Variants in CYRIA observed in about 807,000 individuals in gnomAD.
CYRIA encodes the protein CYFIP related Rac1 interactor A.
In CYRIA, 15 loss-of-function variants were observed where a neutral mutation model predicts 43.9. That is an observed-to-expected ratio of 0.34 (90% CI 0.23 to 0.53). The LOEUF (loss-of-function observed/expected upper bound fraction) is 0.53. Among genes scored for constraint, CYRIA ranks in the 20% least tolerant of loss-of-function variants. The pLI is 0.94. For synonymous variants in CYRIA, 117 were observed against 136.0 expected (o/e 0.86, Z 0.97); for missense variants, 236 against 394.2 (o/e 0.60, Z 3.40).
At chr2:16,600,660 T>C (rs531785709) in intron 2 of CYRIA, among the ~76,000 whole-genome samples, 1 of 152,306 alleles carries the variant, frequency 6.6e-6, no homozygotes, top group South Asian at 2.1e-4. Flanking sequence ...CCCCGCTACA[T>C]ATTAAGTAAC....
chr2:16,590,697 C>A (rs990811648), intron 2 of CYRIA, among the ~76,000 whole-genome samples: 3 of 152,212 alleles, frequency 2.0e-5, no homozygotes, highest in African/African-American at 7.2e-5. Flanking sequence ...TTTTGAACAT[C>A]ATTCTAACAT....
At chr2:16,665,749 C>T (rs1478671687) in intron 1 of CYRIA, 31 bp downstream of exon 1, 15 of 145,584 alleles carry the variant, frequency 1.0e-4, no homozygotes, top group Middle Eastern at 7.2e-3. Context: ...CGCCCGCGCC[C>T]CTGCCGCGCC....
intron 3 of CYRIA, among the ~76,000 whole-genome samples, chr2:16,573,813 A>C (rs1318509327): frequency 6.6e-6 from 1 of 152,228 alleles, no homozygotes; most frequent in Admixed American, 6.5e-5. Context: ...GTGGAACTGT[A>C]AGTCCATTAA....
intron 2 of CYRIA, among the ~76,000 whole-genome samples, chr2:16,593,703 TTTTTG>T: frequency 1.0e-5 from 1 of 99,840 alleles, no homozygotes; most frequent in African/African-American, 5.1e-5. Flanking sequence ...TGTGTGTTTT[TTTTTG>T]TGTGTGTGTG....
intron 11 of CYRIA, among the ~76,000 whole-genome samples, chr2:16,554,135 T>C (rs1450240381): frequency 6.6e-6 from 1 of 152,134 alleles, no homozygotes; most frequent in Non-Finnish European, 1.5e-5. Context: ...AATGAGACAA[T>C]ATGATTAGAA....
chr2:16,649,997 C>T (rs1479530489), intron 1 of CYRIA, among the ~76,000 whole-genome samples: 3 of 152,172 alleles, frequency 2.0e-5, no homozygotes, highest in Admixed American at 2.0e-4. Flanking sequence ...CCACCTTGCT[C>T]GATCGCTTCT....
intron 2 of CYRIA, among the ~76,000 whole-genome samples, chr2:16,603,091 T>C (rs569834865): frequency 6.6e-6 from 1 of 152,294 alleles, no homozygotes; most frequent in Admixed American, 6.5e-5. Flanking sequence ...TTGCTTAACA[T>C]GCTTCTGTGG....
At chr2:16,560,339 T>G (rs1187394662) in intron 9 of CYRIA, among the ~76,000 whole-genome samples, 1 of 152,182 alleles carries the variant, frequency 6.6e-6, no homozygotes, top group African/African-American at 2.4e-5. Context: ...GTACTCTTGA[T>G]GGCTTTGGTC....
chr2:16,643,411 G>A (rs1669733045), intron 1 of CYRIA, among the ~76,000 whole-genome samples: 1 of 152,172 alleles, frequency 6.6e-6, no homozygotes, highest in Non-Finnish European at 1.5e-5. Context: ...TGTTGCACAA[G>A]CCTGCCTAAA....
intron 3 of CYRIA, among the ~76,000 whole-genome samples, chr2:16,575,383 T>A (rs1667295025): frequency 6.6e-6 from 1 of 152,014 alleles, no homozygotes; most frequent in Admixed American, 6.6e-5. Flanking sequence ...GACATGAGAT[T>A]TGGGAAGGGC....
rs113276100 is a variant in CYRIA, at chr2:16,573,894, C to T, written c.71-8127G>A. The stretch of plus-strand genomic sequence containing the variant: ...AGTAGCTCGTGAAAATGAACTAATA[C>T]GGTAAATTGGTACCAGTACAGTGCA... On this transcript the variant is annotated intron_variant, in intron 3 of 11. Coordinates refer to ENST00000381323, the MANE Select transcript of CYRIA (RefSeq NM_030797.4). Among the ~76,000 whole-genome samples, 746 of 152,208 alleles carry T rather than the reference C, an allele frequency of 4.9e-3. 7 individuals are homozygous for T. The highest frequency in any genetic ancestry group is 0.016 in the African/African-American group (659 of 41,524).
chr2:16,614,918 G>A (rs1002723675), intron 2 of CYRIA, among the ~76,000 whole-genome samples: 9 of 152,124 alleles, frequency 5.9e-5, no homozygotes, highest in African/African-American at 1.9e-4. Context: ...AGGAAACTGC[G>A]GCACAGCAAG....
intron 1 of CYRIA, among the ~76,000 whole-genome samples, chr2:16,660,694 C>T: frequency 6.6e-6 from 1 of 152,226 alleles, no homozygotes; most frequent in East Asian, 1.9e-4. Flanking sequence ...CTTTGGGGCA[C>T]TCCATTTCCC....
intron 1 of CYRIA, among the ~76,000 whole-genome samples, chr2:16,635,622 A>G (rs778651944): frequency 6.6e-6 from 1 of 151,990 alleles, no homozygotes; most frequent in Non-Finnish European, 1.5e-5. Context: ...GTGTCTATTC[A>G]CCTCCTCTCA....
chr2:16,560,748 G>T, intron 9 of CYRIA: 2 of 534,316 alleles, frequency 3.7e-6, no homozygotes, highest in Non-Finnish European at 6.8e-6. Flanking sequence ...CCTTGGTTCT[G>T]CCACCTGACA....
chr2:16,580,796 G>A (rs1316716640), intron 3 of CYRIA, among the ~76,000 whole-genome samples: 3 of 152,114 alleles, frequency 2.0e-5, no homozygotes, highest in Non-Finnish European at 4.4e-5. Flanking sequence ...AGTAATCAGA[G>A]AAAACAGAGA....
At chr2:16,644,953 C>T (rs555513175) in intron 1 of CYRIA, among the ~76,000 whole-genome samples, 33 of 152,240 alleles carry the variant, frequency 2.2e-4, no homozygotes, top group South Asian at 1.2e-3. Context: ...ATTAAGGAAA[C>T]CGATTACCAT....
intron 2 of CYRIA, among the ~76,000 whole-genome samples, chr2:16,619,885 C>T (rs1342128573): frequency 6.6e-6 from 1 of 152,170 alleles, no homozygotes; most frequent in African/African-American, 2.4e-5. Flanking sequence ...TCTTCCAGCT[C>T]GCAACTCCTA....
chr2:16,629,727 T>C (rs1669271932), intron 1 of CYRIA, among the ~76,000 whole-genome samples: 1 of 152,122 alleles, frequency 6.6e-6, no homozygotes, highest in African/African-American at 2.4e-5. Flanking sequence ...CTTCTGCAAG[T>C]GATGATTTTT....
Sources: allele counts gnomAD v4.1 joint callset (sites outside exome capture counted in the v4.1 genomes callset), GRCh38; gene constraint gnomAD v4.1.1; transcripts MANE v1.5; gene names NCBI Gene and HGNC (gene_info 2026-07-23, HGNC 2026-07-21).